ATP9B: variants seen among roughly 807,000 people sequenced by gnomAD.
The protein encoded by ATP9B is ATPase phospholipid transporting 9B, also known as probable phospholipid-transporting ATPase IIB.
Under a neutral mutation model 146.1 loss-of-function variants are expected in ATP9B, and 110 were observed. The ratio of observed to expected loss-of-function variants is 0.75; its 90% CI spans 0.65 to 0.88. The LOEUF (loss-of-function observed/expected upper bound fraction) is 0.88. Among genes scored for constraint, ATP9B ranks in the 40% least tolerant of loss-of-function variants. ATP9B has a pLI of 0.00. For missense variants in ATP9B, 1,499 were observed against 1,496.4 expected, an observed-to-expected ratio of 1.00 and a Z score of -0.03; for synonymous variants, 604 against 569.7, an observed-to-expected ratio of 1.06 and a Z score of -0.86.
rs1394532531 is a variant in ATP9B, at chr18:79,327,512, ATGGTTAGCGTGCTCTCCG to A, written c.1774-1568_1774-1551del. On this transcript the variant is annotated intron_variant, in intron 15 of 29. Coordinates refer to ENST00000426216, the MANE Select transcript of ATP9B (RefSeq NM_198531.5). ...TCTCCGTGGTTAGTGTGCTCTCTCC[ATGGTTAGCGTGCTCTCCG>A]TGGTTAGCGTGCTCTCCGTGGTTAG... Among the ~76,000 whole-genome samples the A allele has an allele frequency of 7.7e-3, 580 of 75,426 alleles. 1 individual carries two copies. Among genetic ancestry groups the A allele is most frequent in the African/African-American group, 0.01 (168 of 16,168 alleles). The allele number at this position is 75,426 out of a possible 152,430, so 49.5% of individuals were successfully genotyped here. A position where few individuals can be genotyped will look rare whatever the true frequency, so the allele number is the denominator to read the frequency against.
chr18:79,368,031 G>A (rs1247954679), intron 26 of ATP9B, among the ~76,000 whole-genome samples: 1 of 152,224 alleles, frequency 6.6e-6, no homozygotes, highest in African/African-American at 2.4e-5. Context: ...CACGGTGCGT[G>A]TCTGTGTCTC....
Position 79,345,436 on chromosome 18 carries a change from A to G in ATP9B, c.2481A>G (p.Leu827=). The G allele has an allele frequency of 6.2e-7, 1 of 1,613,976 alleles. No individual in the cohort carries two copies. The highest frequency in any genetic ancestry group is 2.2e-5 in the East Asian group (1 of 44,886). ...CAGGCTTTGTTTTCCAGGTTTGTCT[A>G]AAGTACTACGAGCATGAATTTGTGG... ...VISGDSLEVC[L]KYYEHEFVEL... is the part of the protein sequence containing the mutation. The change falls in exon 22 of 30, where the codon CTA becomes CTG. Residue 827 remains leucine (L), a synonymous_variant. Coordinates refer to ENST00000426216, the MANE Select transcript of ATP9B (RefSeq NM_198531.5).
intron 14 of ATP9B, among the ~76,000 whole-genome samples, chr18:79,305,019 C>T (rs547996677): frequency 1.3e-5 from 2 of 152,244 alleles, no homozygotes; most frequent in African/African-American, 4.8e-5. Flanking sequence ...GGCACTGCTC[C>T]CCGGACTTGC....
In ATP9B at chr18:79,243,225, C is replaced by T. The variant is rs567034700; in HGVS notation, c.1108-10156C>T. Among the ~76,000 whole-genome samples the T allele has an allele frequency of 2.0e-4, 30 of 152,282 alleles. No homozygotes were observed. The East Asian group carries it at 3.9e-3, about 20-fold the overall frequency. ...GTACAGAACCTAGTGACTTTGTTCA[C>T]GATGATAGTAATTCTGAGGTGTTTC... is the stretch of plus-strand genomic sequence containing the variant. On this transcript the variant is annotated intron_variant, in intron 11 of 29. Transcript: ENST00000426216.
chr18:79,217,659 A>G (rs982280175), intron 11 of ATP9B, among the ~76,000 whole-genome samples: 1 of 152,240 alleles, frequency 6.6e-6, no homozygotes, highest in Non-Finnish European at 1.5e-5. Flanking sequence ...AAGCCTCGGT[A>G]TTGATACATG....
chr18:79,176,753 C>T, intron 7 of ATP9B, 60 bp from the exon 8 acceptor site: 2 of 1,419,050 alleles, frequency 1.4e-6, no homozygotes, highest in South Asian at 2.3e-5. Context: ...GCACCTGTAG[C>T]TCAGGAAAAA....
intron 13 of ATP9B, among the ~76,000 whole-genome samples, chr18:79,297,267 C>CAG (rs1164340995): frequency 5.6e-5 from 8 of 143,614 alleles, no homozygotes; most frequent in Middle Eastern, 4.1e-3. Flanking sequence ...AGAGAGAAGA[C>CAG]AGAGAGATGA....
chr18:79,252,201 C>G (rs1481980662), intron 11 of ATP9B, among the ~76,000 whole-genome samples: 4 of 152,234 alleles, frequency 2.6e-5, no homozygotes, highest in South Asian at 2.1e-4. Flanking sequence ...CCAGTAGGAA[C>G]CGTGGCCACT....
At chr18:79,155,757 T>C (rs1394611132) in intron 7 of ATP9B, among the ~76,000 whole-genome samples, 3 of 87,420 alleles carry the variant, frequency 3.4e-5, no homozygotes, top group East Asian at 6.5e-4. Context: ...TTCTCTCTTT[T>C]TTTTTTTTTT....
intron 11 of ATP9B, among the ~76,000 whole-genome samples, chr18:79,214,900 C>T (rs1317513910): frequency 1.3e-5 from 2 of 152,168 alleles, no homozygotes; most frequent in African/African-American, 4.8e-5. Context: ...CTAATTACAG[C>T]ACTTTGGGAG....
chr18:79,327,638 CTGGTTAG>C, intron 15 of ATP9B, among the ~76,000 whole-genome samples: 1 of 45,880 alleles, frequency 2.2e-5, no homozygotes, highest in African/African-American at 9.1e-5. Flanking sequence ...TGTGCCCTCC[CTGGTTAG>C]CATGCTCTCC....
chr18:79,372,660 G>A, intron 26 of ATP9B, 165 bp from the exon 27 acceptor site: 3 of 687,786 alleles, frequency 4.4e-6, no homozygotes, highest in Non-Finnish European at 8.1e-6. Context: ...GGATTCGGGT[G>A]TCAGGAAAAG....
intron 12 of ATP9B, among the ~76,000 whole-genome samples, chr18:79,269,000 G>T (rs1470979095): frequency 6.6e-6 from 1 of 152,130 alleles, no homozygotes; most frequent in Non-Finnish European, 1.5e-5. Context: ...CTCATTGGTG[G>T]CATTGTACGC....
At chr18:79,075,527 A>G (rs2072498755) in intron 1 of ATP9B, among the ~76,000 whole-genome samples, 1 of 152,162 alleles carries the variant, frequency 6.6e-6, no homozygotes, top group African/African-American at 2.4e-5. Context: ...TGTGTGTTCT[A>G]GATGCATTGA....
intron 26 of ATP9B, 153 bp from the exon 27 acceptor site, chr18:79,372,672 C>G: frequency 1.4e-6 from 1 of 696,172 alleles, no homozygotes; most frequent in Non-Finnish European, 2.7e-6. Context: ...CAGGAAAAGG[C>G]GCCCGAAATG....
At chr18:79,285,720 A>C (rs2096431663) in intron 13 of ATP9B, among the ~76,000 whole-genome samples, 1 of 152,226 alleles carries the variant, frequency 6.6e-6, no homozygotes, top group South Asian at 2.1e-4. Context: ...GGTAATGCCT[A>C]GGTTCTCTTC....
At chr18:79,242,313 TTTAC>T (rs1568476461) in intron 11 of ATP9B, among the ~76,000 whole-genome samples, 1 of 152,222 alleles carries the variant, frequency 6.6e-6, no homozygotes, top group Non-Finnish European at 1.5e-5. Context: ...ATTAATGTAT[TTTAC>T]TTGTAATTTA....
rs535895044 is a variant in ATP9B, at chr18:79,110,571, A to G, written c.444+66A>G. On this transcript the variant is annotated intron_variant, in intron 3 of 29. Coordinates refer to ENST00000426216, the MANE Select transcript of ATP9B (RefSeq NM_198531.5). ...GATTGCTGGCTTCCTTTGCTATAGGATGGAGCCTGTTGAGACTCTGACTTA... is the reference window on the plus strand; with the variant it reads ...GATTGCTGGCTTCCTTTGCTATAGGGTGGAGCCTGTTGAGACTCTGACTTA... 6.0e-5 allele frequency: 90 copies of G among 1,488,610 alleles called. No homozygotes were observed. The African/African-American group carries it at 9.3e-4, about 15-fold the overall frequency. 92.2% of individuals were successfully genotyped at this position (1,488,610 alleles called of 1,614,324 possible). A position where few individuals can be genotyped will look rare whatever the true frequency, so the allele number is the denominator to read the frequency against.
rs1385540868 is a variant in ATP9B at position 79,239,811 on chromosome 18, A to G, written c.1108-13570A>G. On this transcript the variant is annotated intron_variant, in intron 11 of 29. Coordinates refer to ENST00000426216, the MANE Select transcript of ATP9B (RefSeq NM_198531.5). The surrounding 1 kb of genome is among the most constrained non-coding windows in gnomAD (Gnocchi z 5.1). ...TGTTTTGTGAGGGCGGTTGATCATC[A>G]GTTAATTATTACACGGAGGCGTTAC... Among the ~76,000 whole-genome samples, 2 of 152,164 alleles carry G rather than the reference A, an allele frequency of 1.3e-5. No homozygotes were observed. The highest frequency in any genetic ancestry group is 3.8e-4 in the East Asian group (2 of 5,198).
Sources: allele counts gnomAD v4.1 joint callset (sites outside exome capture counted in the v4.1 genomes callset), GRCh38; gene constraint gnomAD v4.1.1; non-coding constraint Gnocchi (gnomAD v3.1); transcripts MANE v1.5; gene names NCBI Gene and HGNC (gene_info 2026-07-23, HGNC 2026-07-21).